Variants in CLVS1 observed in about 807,000 individuals in gnomAD.
The protein encoded by CLVS1 is clavesin-1.
Under a neutral mutation model 33.1 loss-of-function variants are expected in CLVS1, and 10 were observed. That is an observed-to-expected ratio of 0.30 (90% CI 0.19 to 0.51). The LOEUF is 0.51. Among genes scored for constraint, CLVS1 ranks in the 20% least tolerant of loss-of-function variants. The probability of loss-of-function intolerance (pLI) is 0.97; values close to 1 mark genes in which losing one functional copy is unlikely to be tolerated. For missense variants in CLVS1, 343 were observed against 433.4 expected (o/e 0.79, Z 1.85); for synonymous variants, 163 against 166.1 (o/e 0.98, Z 0.14).
intron 2 of CLVS1, among the ~76,000 whole-genome samples, chr8:61,259,590 G>C (rs1212468586): frequency 1.3e-5 from 2 of 152,188 alleles, no homozygotes; most frequent in East Asian, 3.8e-4. Context: ...CGAAGATCTG[G>C]TAATAAAAGA....
chr8:61,425,818 C>G (rs1001956512), intron 3 of CLVS1, among the ~76,000 whole-genome samples: 4 of 152,146 alleles, frequency 2.6e-5, no homozygotes, highest in African/African-American at 9.7e-5. Context: ...GTAGACAGTT[C>G]CACATGTCAC....
At chr8:61,149,571 A>AAAAAAAAAAAAAAAAAAAAAAC (rs1252529979) in intron 2 of CLVS1, among the ~76,000 whole-genome samples, 1 of 149,862 alleles carries the variant, frequency 6.7e-6, no homozygotes, top group African/African-American at 2.5e-5. Context: ...AAAAAAAACA[A>AAAAAAAAAAAAAAAAAAAAAAC]AAAACAAAAC....
intron 3 of CLVS1, among the ~76,000 whole-genome samples, chr8:61,446,831 T>G (rs1243726411): frequency 1.3e-5 from 2 of 149,958 alleles, no homozygotes; most frequent in East Asian, 3.9e-4. Flanking sequence ...TTTGAAGGTT[T>G]TTTTTTTTTT....
intron 2 of CLVS1, among the ~76,000 whole-genome samples, chr8:61,238,503 G>C (rs1808617985): frequency 6.6e-6 from 1 of 152,176 alleles, no homozygotes; most frequent in Admixed American, 6.5e-5. Flanking sequence ...GGCCTGAGCT[G>C]CTGGTAAACC....
chr8:61,442,444 G>A (rs1816589706), intron 3 of CLVS1, among the ~76,000 whole-genome samples: 1 of 152,116 alleles, frequency 6.6e-6, no homozygotes, highest in African/African-American at 2.4e-5. Flanking sequence ...TTATTTCTCT[G>A]AAATAAATGC....
At chr8:61,270,305 C>G (rs545716156) in intron 2 of CLVS1, among the ~76,000 whole-genome samples, 1 of 152,202 alleles carries the variant, frequency 6.6e-6, no homozygotes, top group South Asian at 2.1e-4. Flanking sequence ...TGTTTATATG[C>G]TGGATTAGAT....
At chr8:61,424,808 A>C (rs1005098966) in intron 3 of CLVS1, among the ~76,000 whole-genome samples, 3 of 152,218 alleles carry the variant, frequency 2.0e-5, no homozygotes, top group African/African-American at 7.2e-5. Flanking sequence ...ACTATTCACA[A>C]AAAGGAAATG....
chr8:61,161,333 G>C lies in CLVS1; in HGVS notation c.-152+29473G>C, dbSNP rs549897776. On this transcript the variant is annotated intron_variant, in intron 2 of 2. Coordinates refer to the CLVS1 transcript ENST00000522621. ...CTTCTGGCTATATCCCAAAAAAATT[G>C]AAATCAGTATGTAAAGAGACATCTG... 2.6e-5 allele frequency among the ~76,000 whole-genome samples: 4 copies of C among 152,264 alleles called. No individual in the cohort carries two copies. The East Asian group carries it at 7.7e-4, about 29-fold the overall frequency.
intron 3 of CLVS1, among the ~76,000 whole-genome samples, chr8:61,452,977 AC>A (rs1563559288): frequency 1.3e-5 from 2 of 152,216 alleles, no homozygotes; most frequent in Admixed American, 1.3e-4. Flanking sequence ...TTTCCTTGTT[AC>A]TAAAAACGAC....
intron 2 of CLVS1, among the ~76,000 whole-genome samples, chr8:61,327,794 A>C (rs1293742822): frequency 1.3e-5 from 2 of 152,060 alleles, no homozygotes; most frequent in Non-Finnish European, 2.9e-5. Flanking sequence ...GACCCCTCAC[A>C]TTATTAGTAG....
In CLVS1 at chr8:61,343,721, C is replaced by T. The variant is rs113433007; in HGVS notation, c.456-32884C>T. 5.1e-3 allele frequency among the ~76,000 whole-genome samples: 775 copies of T among 152,260 alleles called. 4 individuals carry two copies. Among genetic ancestry groups the T allele is most frequent in the African/African-American group, 0.017 (705 of 41,546 alleles). On this transcript the variant is annotated intron_variant, in intron 2 of 5. Transcript: ENST00000325897. The stretch of plus-strand genomic sequence containing the variant: ...ATGCTGAATATCGAAGTTCTCACCA[C>T]GTTCCTCTGATTCTCCAAAGTGAAA...
chr8:61,034,893 G>C, the CLVS1 span, among the ~76,000 whole-genome samples: 2 of 152,144 alleles, frequency 1.3e-5, no homozygotes, highest in African/African-American at 4.8e-5. Context: ...ACTTTCCCGT[G>C]TTTCCAGATG....
intron 2 of CLVS1, among the ~76,000 whole-genome samples, chr8:61,168,057 C>A (rs1806915996): frequency 6.6e-6 from 1 of 152,188 alleles, no homozygotes; most frequent in African/African-American, 2.4e-5. Context: ...TCTATGGACT[C>A]ACCCTGAATT....
intron 3 of CLVS1, among the ~76,000 whole-genome samples, chr8:61,394,802 C>A (rs1585909198): frequency 6.6e-6 from 1 of 152,182 alleles, no homozygotes; most frequent in African/African-American, 2.4e-5. Context: ...TTCCCACCAA[C>A]AATGTACAAG....
the CLVS1 span, among the ~76,000 whole-genome samples, chr8:61,028,729 A>G: frequency 2.6e-5 from 4 of 152,172 alleles, no homozygotes; most frequent in Admixed American, 2.6e-4. Context: ...ACTGTTACCA[A>G]TGAAATGCTG....
chr8:61,260,147 G>C (rs1424448570), intron 2 of CLVS1, among the ~76,000 whole-genome samples: 1 of 152,168 alleles, frequency 6.6e-6, no homozygotes, highest in East Asian at 1.9e-4. Flanking sequence ...ACTCTATTCT[G>C]GTTCCTTCTT....
intron 2 of CLVS1, among the ~76,000 whole-genome samples, chr8:61,305,195 G>A (rs990744328): frequency 4.6e-5 from 7 of 151,944 alleles, no homozygotes; most frequent in African/African-American, 1.2e-4. Flanking sequence ...GTCAAAAGAT[G>A]TACTGTCTTT....
At chr8:61,394,622 G>C (rs529498452) in intron 3 of CLVS1, among the ~76,000 whole-genome samples, 1 of 152,124 alleles carries the variant, frequency 6.6e-6, no homozygotes, top group Non-Finnish European at 1.5e-5. Context: ...GAAAGCCAGC[G>C]GTGACAGGCC....
the CLVS1 span, among the ~76,000 whole-genome samples, chr8:60,968,870 TAGGACA>T: frequency 1.3e-5 from 2 of 150,966 alleles, no homozygotes; most frequent in Non-Finnish European, 3.0e-5. Context: ...GCCTAGGTAA[TAGGACA>T]AGACCCTGTT....
Sources: allele counts gnomAD v4.1 joint callset (sites outside exome capture counted in the v4.1 genomes callset), GRCh38; gene constraint gnomAD v4.1.1; transcripts MANE v1.5; gene names NCBI Gene and HGNC (gene_info 2026-07-23, HGNC 2026-07-21).